HECW1: variants seen among roughly 807,000 people sequenced by gnomAD.
HECW1 encodes E3 ubiquitin-protein ligase HECW1.
A neutral mutation model predicts 182.3 loss-of-function variants in HECW1; 61 were observed. That is an observed-to-expected ratio of 0.33 (90% CI 0.27 to 0.41). HECW1 has a LOEUF of 0.41. HECW1 is among the 10% of genes least tolerant of loss of function. The pLI, the probability that HECW1 is intolerant of heterozygous loss-of-function variation, is 1.00. For missense variants in HECW1, 1,739 were observed against 2,108.9 expected, an observed-to-expected ratio of 0.82 and a Z score of 3.44; for synonymous variants, 859 against 832.6, an observed-to-expected ratio of 1.03 and a Z score of -0.55.
chr7:43,374,799 A>AC lies in HECW1; in HGVS notation c.555+13819_555+13820insC, dbSNP rs1554387689. 1.7e-3 allele frequency among the ~76,000 whole-genome samples: 92 copies of AC among 54,064 alleles called. 25 individuals carry two copies. Among genetic ancestry groups the AC allele is most frequent in the Non-Finnish European group, 2.3e-3 (78 of 33,842 alleles). The allele number at this position is 54,064 out of a possible 152,430, so 35.5% of individuals were successfully genotyped here. A position where few individuals can be genotyped will look rare whatever the true frequency, so the allele number is the denominator to read the frequency against. On this transcript the variant is annotated intron_variant, in intron 6 of 29. Coordinates refer to ENST00000395891, the MANE Select transcript of HECW1 (RefSeq NM_015052.5). ...AAAAAAAAAAAAAAAAAAAAAAAAA[A>AC]ATAGAGAAATATAATAACCAGTGAA...
chr7:43,457,367 G>A (rs1395095033), intron 13 of HECW1, among the ~76,000 whole-genome samples: 3 of 152,196 alleles, frequency 2.0e-5, no homozygotes, highest in East Asian at 3.8e-4. Flanking sequence ...TGAGAAAGAC[G>A]AAAAAGAATG....
chr7:43,406,266 C>G (rs934452099), intron 7 of HECW1, among the ~76,000 whole-genome samples: 2 of 152,150 alleles, frequency 1.3e-5, no homozygotes, highest in African/African-American at 4.8e-5. Context: ...AATAAAACTC[C>G]TTTTACCGAC....
At position 43,564,044 on chromosome 7, in the gene HECW1, A is replaced by C. The variant is rs1443816982; in HGVS notation, c.*2118A>C. On this transcript the variant is annotated 3_prime_UTR_variant, in exon 30 of 30. Coordinates refer to ENST00000395891, the MANE Select transcript of HECW1 (RefSeq NM_015052.5). The stretch of plus-strand genomic sequence containing the variant: ...CAGGATGGAATCTGTAAGTTATATG[A>C]TATAGAATTTGAGGGATATGTAAAA... The C allele has an allele frequency of 5.4e-6, 1 of 186,744 alleles. No homozygotes were observed. Among genetic ancestry groups the C allele is most frequent in the Admixed American group, 6.2e-5 (1 of 16,172 alleles). 11.6% of individuals were successfully genotyped at this position (186,744 alleles called of 1,614,324 possible).
chr7:43,442,517 A>C lies in HECW1; in HGVS notation c.945-12A>C. On this transcript the variant is annotated splice_polypyrimidine_tract_variant and intron_variant, in intron 9 of 29. Coordinates refer to ENST00000395891, the MANE Select transcript of HECW1 (RefSeq NM_015052.5). ...ATTGACCAGAACTGTGATGGTGCTTATTTCCTTCTAGGGATAGGGTGGTCA... is the reference window on the plus strand; with the variant it reads ...ATTGACCAGAACTGTGATGGTGCTTCTTTCCTTCTAGGGATAGGGTGGTCA... The C allele has an allele frequency of 6.3e-7, 1 of 1,593,338 alleles. No homozygotes were observed. The highest frequency in any genetic ancestry group is 8.6e-7 in the Non-Finnish European group (1 of 1,161,844).
In HECW1 at chr7:43,509,183, C is replaced by T. The variant is rs1585130780; in HGVS notation, c.4019+62C>T. On this transcript the variant is annotated intron_variant, in intron 24 of 29. Transcript: ENST00000395891. ...GTTCTCCTCTTTCTTAGTCAGAATT[C>T]AGCAGCATTTCTCAAAGGCCACTGT... is the stretch of plus-strand genomic sequence containing the variant. 4.5e-6 allele frequency: 7 copies of T among 1,552,680 alleles called. No homozygotes were observed. In the East Asian group the frequency reaches 1.1e-4, roughly 25 times the overall value.
chr7:43,364,163 G>T (rs1013227921), intron 6 of HECW1, among the ~76,000 whole-genome samples: 2 of 152,170 alleles, frequency 1.3e-5, no homozygotes, highest in African/African-American at 2.4e-5. Context: ...ACCATTCTTT[G>T]AAAAGGAGGA....
At chr7:43,244,002 G>A in intron 3 of HECW1, 70 bp downstream of exon 3, 1 of 1,238,858 alleles carries the variant, frequency 8.1e-7, no homozygotes, top group Non-Finnish European at 1.2e-6. Flanking sequence ...CACTCATAAT[G>A]GAATGTGCCT....
At position 43,241,942 on chromosome 7, in the gene HECW1, G is replaced by A. The variant is rs80236433; in HGVS notation, c.-31-1933G>A. On this transcript the variant is annotated intron_variant, in intron 2 of 29. Transcript: ENST00000395891. ...GGGGTGTGGAGGAAGAAGGGCTGAC[G>A]GCAGCTCAGGTCAGGCAGCAGGGAC... Among the ~76,000 whole-genome samples, 512 of 152,148 alleles carry A rather than the reference G, an allele frequency of 3.4e-3. 12 individuals are homozygous for A. In the East Asian group the frequency reaches 0.06, roughly 18 times the overall value.
intron 2 of HECW1, among the ~76,000 whole-genome samples, chr7:43,144,552 AT>A (rs1251954890): frequency 1.3e-5 from 2 of 152,210 alleles, no homozygotes; most frequent in South Asian, 2.1e-4. Flanking sequence ...ACTCAGGAGT[AT>A]TTTTTTATTA....
intron 5 of HECW1, among the ~76,000 whole-genome samples, chr7:43,321,964 G>A (rs1284987718): frequency 6.6e-6 from 1 of 152,204 alleles, no homozygotes; most frequent in Non-Finnish European, 1.5e-5. Flanking sequence ...AATAGACAAC[G>A]AGGAAATTTT....
chr7:43,411,145 ATC>A (rs1285389035), intron 8 of HECW1, among the ~76,000 whole-genome samples: 1 of 150,762 alleles, frequency 6.6e-6, no homozygotes, highest in Non-Finnish European at 1.5e-5. Flanking sequence ...TTTTCTTCTA[ATC>A]TCTGTTTTAA....
chr7:43,510,986 G>C (rs913306384), intron 24 of HECW1: 1 of 152,238 alleles, frequency 6.6e-6, no homozygotes, highest in Admixed American at 6.5e-5. Flanking sequence ...AACCAACCTG[G>C]CTTTGTGGCC....
intron 27 of HECW1, 91 bp from the exon 28 acceptor site, chr7:43,552,131 A>G: frequency 1.3e-6 from 1 of 778,646 alleles, no homozygotes; most frequent in Non-Finnish European, 2.3e-6. Context: ...AGTGATGGTC[A>G]ATTTCCCAGT....
intron 2 of HECW1, chr7:43,121,837 G>A (rs1785651376): frequency 6.6e-6 from 1 of 152,146 alleles, no homozygotes; most frequent in South Asian, 2.1e-4. Flanking sequence ...TCTAGGTTAA[G>A]GGCTTGTCAC....
At chr7:43,158,216 A>G (rs1790104620) in intron 2 of HECW1, among the ~76,000 whole-genome samples, 1 of 152,228 alleles carries the variant, frequency 6.6e-6, no homozygotes, top group Admixed American at 6.5e-5. Context: ...GTAAAAGGCA[A>G]TACAGGTTGA....
chr7:43,414,019 G>A (rs1256859970), intron 8 of HECW1, among the ~76,000 whole-genome samples: 4,201 of 150,816 alleles, frequency 0.028, 184 homozygotes, highest in African/African-American at 0.097. Flanking sequence ...GATGGGGATG[G>A]CATTGAATCT....
At chr7:43,248,812 C>T (rs1472847363) in intron 3 of HECW1, 1 of 152,164 alleles carries the variant, frequency 6.6e-6, no homozygotes, top group African/African-American at 2.4e-5. Flanking sequence ...TTTTCAGGGT[C>T]GGAGTCCTAG....
intron 2 of HECW1, among the ~76,000 whole-genome samples, chr7:43,212,424 C>A (rs1352841333): frequency 6.6e-6 from 1 of 152,106 alleles, no homozygotes; most frequent in African/African-American, 2.4e-5. Flanking sequence ...ATATTCTTTT[C>A]ACTTTTTAAA....
At chr7:43,501,192 T>C (rs1310814995) in intron 20 of HECW1, 21 bp from the exon 21 acceptor site, 3 of 1,123,288 alleles carry the variant, frequency 2.7e-6, no homozygotes, top group East Asian at 2.5e-5. Flanking sequence ...TCTTTTTTTT[T>C]TTTTTTTTTT....
Sources: gnomAD v4.1 joint callset for allele counts (sites outside exome capture counted in the v4.1 genomes callset) on GRCh38, gnomAD v4.1.1 for gene constraint, MANE v1.5 for transcripts, NCBI Gene and HGNC (gene_info 2026-07-23, HGNC 2026-07-21) for gene names.